Variants in ADGRB3 observed in about 807,000 individuals in gnomAD.
ADGRB3 encodes the protein adhesion G protein-coupled receptor B3.
In ADGRB3, 37 loss-of-function variants were observed where a neutral mutation model predicts 193.4. The ratio of observed to expected loss-of-function variants is 0.19; its 90% confidence interval spans 0.15 to 0.25. ADGRB3 has a LOEUF of 0.25. Ranked by LOEUF, ADGRB3 falls within the 10% of genes least tolerant of loss-of-function variation. The pLI is 1.00. For synonymous variants in ADGRB3, 690 were observed against 644.2 expected (o/e 1.07, Z -1.08); for missense variants, 1,637 against 1,852.9 (o/e 0.88, Z 2.14).
At chr6:69,133,125 A>G (rs896029977) in intron 17 of ADGRB3, among the ~76,000 whole-genome samples, 2 of 152,058 alleles carry the variant, frequency 1.3e-5, no homozygotes, top group African/African-American at 4.8e-5. Flanking sequence ...TTTTGGTTCC[A>G]TATGAAATTT....
chr6:69,130,559 A>G (rs1773979396), intron 17 of ADGRB3, among the ~76,000 whole-genome samples: 2 of 150,230 alleles, frequency 1.3e-5, no homozygotes, highest in African/African-American at 2.4e-5. Context: ...TACTTTAGTC[A>G]ATTCAAAATA....
chr6:68,864,883 T>C (rs1765251483), intron 3 of ADGRB3, among the ~76,000 whole-genome samples: 2 of 117,316 alleles, frequency 1.7e-5, no homozygotes, highest in Non-Finnish European at 2.0e-5. Context: ...TAGCAAGTAG[T>C]ATCTGAATAG....
intron 17 of ADGRB3, among the ~76,000 whole-genome samples, chr6:69,130,171 T>A (rs185793730): frequency 1.1e-4 from 16 of 152,040 alleles, no homozygotes; most frequent in Admixed American, 9.8e-4. Flanking sequence ...CCTCACATGG[T>A]GGAAAGGAAG....
At chr6:69,336,239 A>T (rs1343973129) in intron 24 of ADGRB3, among the ~76,000 whole-genome samples, 1 of 151,998 alleles carries the variant, frequency 6.6e-6, no homozygotes, top group African/African-American at 2.4e-5. Flanking sequence ...AGTGAATAAA[A>T]TCAGGATTAA....
At chr6:68,907,775 G>T (rs897242235) in intron 3 of ADGRB3, among the ~76,000 whole-genome samples, 1 of 151,490 alleles carries the variant, frequency 6.6e-6, no homozygotes, top group East Asian at 1.9e-4. Context: ...TTTGCCTTAT[G>T]GTTATTTTTA....
intron 26 of ADGRB3, among the ~76,000 whole-genome samples, chr6:69,346,163 C>T (rs565306310): frequency 4.6e-5 from 7 of 152,190 alleles, no homozygotes; most frequent in African/African-American, 1.2e-4. Flanking sequence ...GAAAACTACC[C>T]GAAGTAATTT....
chr6:69,349,739 G>A (rs970810065), intron 26 of ADGRB3, among the ~76,000 whole-genome samples: 1 of 152,086 alleles, frequency 6.6e-6, no homozygotes, highest in Non-Finnish European at 1.5e-5. Flanking sequence ...ATAATTACAA[G>A]AATGTAACTT....
At chr6:68,887,149 A>G (rs915355781) in intron 3 of ADGRB3, among the ~76,000 whole-genome samples, 1 of 151,946 alleles carries the variant, frequency 6.6e-6, no homozygotes, top group Non-Finnish European at 1.5e-5. Flanking sequence ...TAAAAGCGAT[A>G]TTGTTAGTTC....
chr6:68,765,022 C>G (rs1215397303), intron 3 of ADGRB3, among the ~76,000 whole-genome samples: 2 of 152,116 alleles, frequency 1.3e-5, no homozygotes, highest in African/African-American at 4.8e-5. Flanking sequence ...AGCATGTTGG[C>G]CTTCAATCCA....
At chr6:69,343,807 A>C (rs1397037188) in intron 26 of ADGRB3, among the ~76,000 whole-genome samples, 1 of 152,198 alleles carries the variant, frequency 6.6e-6, no homozygotes, top group Non-Finnish European at 1.5e-5. Context: ...TAAATCTTAG[A>C]AGCTAATATG....
rs1015600123 is a variant in ADGRB3 at position 68,768,791 on chromosome 6, A to G, written c.757+129359A>G. Among the ~76,000 whole-genome samples, 21 of 152,232 alleles carry G rather than the reference A, an allele frequency of 1.4e-4. 1 individual carries two copies. The highest frequency in any genetic ancestry group is 5.1e-4 in the African/African-American group (21 of 41,534). Reference sequence around the variant, plus strand: ...GGGAGAAAGTTTTTGCAATCTATCCATCTGACAAAGGGCTAATGTCCAGAA... The same window carrying G: ...GGGAGAAAGTTTTTGCAATCTATCCGTCTGACAAAGGGCTAATGTCCAGAA... On this transcript the variant is annotated intron_variant, in intron 3 of 31. Coordinates refer to ENST00000370598, the MANE Select transcript of ADGRB3 (RefSeq NM_001704.3).
At chr6:68,695,853 CCCTACA>C (rs1167979988) in intron 3 of ADGRB3, among the ~76,000 whole-genome samples, 1 of 151,844 alleles carries the variant, frequency 6.6e-6, no homozygotes, top group Non-Finnish European at 1.5e-5. Context: ...GTGCTTTTGA[CCCTACA>C]GAGGTAAAAT....
intron 3 of ADGRB3, among the ~76,000 whole-genome samples, chr6:68,736,455 CCA>C (rs915315860): frequency 2.0e-5 from 3 of 151,976 alleles, no homozygotes; most frequent in African/African-American, 7.2e-5. Flanking sequence ...GTTTGTTTTC[CCA>C]CAGTGTGAGT....
intron 17 of ADGRB3, among the ~76,000 whole-genome samples, chr6:69,113,191 C>T (rs1273756000): frequency 1.3e-5 from 2 of 151,526 alleles, no homozygotes; most frequent in Non-Finnish European, 2.9e-5. Context: ...CTACAGATGC[C>T]GAGGAATGAC....
At chr6:69,216,778 C>G (rs976140079) in intron 17 of ADGRB3, among the ~76,000 whole-genome samples, 2 of 152,194 alleles carry the variant, frequency 1.3e-5, no homozygotes, top group Non-Finnish European at 2.9e-5. Context: ...CAGTGATTAG[C>G]TTTCAGGGAC....
rs887878431 is a variant in ADGRB3, at chr6:69,291,939, G to A, written c.2815-32933G>A. 8.1e-4 allele frequency among the ~76,000 whole-genome samples: 123 copies of A among 152,060 alleles called. 2 individuals carry two copies. The highest frequency in any genetic ancestry group is 1.8e-4 in the Non-Finnish European group (12 of 67,988). ...ATGTGAGAGGTGCCCTCCCTATACC[G>A]AGAGGAAAGGAATATCCTTATCCCT... On this transcript the variant is annotated intron_variant, in intron 20 of 31. Transcript: ENST00000370598.
intron 3 of ADGRB3, among the ~76,000 whole-genome samples, chr6:68,903,723 T>A (rs941916917): frequency 6.6e-6 from 1 of 151,508 alleles, no homozygotes; most frequent in Non-Finnish European, 1.5e-5. Flanking sequence ...TAAGAGAAAA[T>A]GGGGCCAGGA....
chr6:69,248,825 G>A (rs890280914), intron 20 of ADGRB3, among the ~76,000 whole-genome samples: 1 of 152,168 alleles, frequency 6.6e-6, no homozygotes, highest in Non-Finnish European at 1.5e-5. Context: ...TTTCTGGGCT[G>A]ATGCTTTATG....
At chr6:69,349,661 G>C (rs1769181241) in intron 26 of ADGRB3, among the ~76,000 whole-genome samples, 1 of 152,082 alleles carries the variant, frequency 6.6e-6, no homozygotes, top group Non-Finnish European at 1.5e-5. Context: ...TGAAACAATG[G>C]TAGAAATGAG....
Sources: allele counts gnomAD v4.1 joint callset (sites outside exome capture counted in the v4.1 genomes callset), GRCh38; gene constraint gnomAD v4.1.1; transcripts MANE v1.5; gene names NCBI Gene and HGNC (gene_info 2026-07-23, HGNC 2026-07-21).